Variants in PCDHAC1 observed in about 807,000 individuals in gnomAD.
The protein encoded by PCDHAC1 is protocadherin alpha-C1.
PCDHAC1 carries 42 observed loss-of-function variants against 60.0 expected under a neutral mutation model. The ratio of observed to expected loss-of-function variants is 0.70; its 90% CI spans 0.55 to 0.90. PCDHAC1 has a LOEUF of 0.90. Ranked by LOEUF, PCDHAC1 falls within the 40% of genes least tolerant of loss-of-function variation. PCDHAC1 has a pLI of 0.00. For missense variants in PCDHAC1, 1,160 were observed against 1,222.3 expected, an observed-to-expected ratio of 0.95 and a Z score of 0.76; for synonymous variants, 468 against 499.3, an observed-to-expected ratio of 0.94 and a Z score of 0.84.
Position 141,010,415 on chromosome 5 carries a change from C to T in PCDHAC1, c.*478C>T. ...ACGAGCCAGCTTAGACTAATTGGTA[C>T]AAGGAAGGCAAGAAAACAAAGACAA... On this transcript the variant is annotated 3_prime_UTR_variant, in exon 4 of 4. Transcript: ENST00000253807. 1 of 1,160,734 alleles carries T rather than the reference C, an allele frequency of 8.6e-7. No homozygotes were observed. 71.9% of individuals were successfully genotyped at this position (1,160,734 alleles called of 1,614,324 possible).
intron 1 of PCDHAC1, among the ~76,000 whole-genome samples, chr5:140,949,279 A>T (rs2094358116): frequency 6.6e-6 from 1 of 151,848 alleles, no homozygotes; most frequent in African/African-American, 2.4e-5. Flanking sequence ...CTTGAAAAGA[A>T]TGTATATTCT....
intron 1 of PCDHAC1, among the ~76,000 whole-genome samples, chr5:140,932,569 C>T (rs58622542): frequency 0.013 from 2,018 of 151,826 alleles, 38 homozygotes; most frequent in African/African-American, 0.046. Flanking sequence ...GTAGACTTTC[C>T]CATAGGGTAA....
At chr5:140,982,878 C>T (rs2097013352) in intron 3 of PCDHAC1, among the ~76,000 whole-genome samples, 1 of 151,992 alleles carries the variant, frequency 6.6e-6, no homozygotes, top group South Asian at 2.1e-4. Flanking sequence ...TCATCCAAGC[C>T]ATGCAGAGAA....
At chr5:140,950,237 ATTTG>A (rs782102459) in intron 1 of PCDHAC1, among the ~76,000 whole-genome samples, 1 of 151,954 alleles carries the variant, frequency 6.6e-6, no homozygotes, top group Non-Finnish European at 1.5e-5. Flanking sequence ...AGTGCCATTA[ATTTG>A]TTCCTAAAGA....
chr5:140,974,672 T>G lies in PCDHAC1; in HGVS notation c.2434-4277T>G, dbSNP rs186958750. On this transcript the variant is annotated intron_variant, in intron 1 of 3. Coordinates refer to ENST00000253807, the MANE Select transcript of PCDHAC1 (RefSeq NM_018898.5). ...GATTACAGGCATGCGCCACCATGCC[T>G]GGCTAATTTTGTATTTTTGGGTTTC... 4.6e-3 allele frequency among the ~76,000 whole-genome samples: 694 copies of G among 152,134 alleles called. 4 individuals are homozygous for G. Among genetic ancestry groups the G allele is most frequent in the African/African-American group, 0.016 (672 of 41,518 alleles).
intron 3 of PCDHAC1, among the ~76,000 whole-genome samples, chr5:141,003,515 G>C (rs1402480495): frequency 1.3e-5 from 2 of 152,114 alleles, no homozygotes; most frequent in Admixed American, 6.5e-5. Flanking sequence ...GTTTCACCAT[G>C]TTCCCTAGGC....
At chr5:140,962,719 T>G (rs928199903) in intron 1 of PCDHAC1, among the ~76,000 whole-genome samples, 1 of 152,224 alleles carries the variant, frequency 6.6e-6, no homozygotes, top group Non-Finnish European at 1.5e-5. Flanking sequence ...TTGGAAAGTA[T>G]TTTCCTTCTG....
At chr5:140,968,446 C>T in intron 1 of PCDHAC1, 1 of 1,614,046 alleles carries the variant, frequency 6.2e-7, no homozygotes, top group Non-Finnish European at 8.5e-7. Context: ...CACCACTGAG[C>T]AGCACTGTGA....
rs1012749061 is a variant in PCDHAC1 at position 141,011,525 on chromosome 5, C to T, written c.*1588C>T. Reference sequence around the variant, plus strand: ...AAAAGTGGAGTAGTGTTTTTTTAACCATTGTTAATCAGCTTTTGTGTATGA... The same window carrying T: ...AAAAGTGGAGTAGTGTTTTTTTAACTATTGTTAATCAGCTTTTGTGTATGA... On this transcript the variant is annotated 3_prime_UTR_variant, in exon 4 of 4. Coordinates refer to ENST00000253807, the MANE Select transcript of PCDHAC1 (RefSeq NM_018898.5). 11 of 153,568 alleles carry T rather than the reference C, an allele frequency of 7.2e-5. No individual in the cohort carries two copies. The Admixed American group carries it at 7.2e-4, about 10-fold the overall frequency. 9.5% of individuals were successfully genotyped at this position (153,568 alleles called of 1,614,324 possible).
At chr5:140,985,373 C>T (rs1228293287) in intron 3 of PCDHAC1, among the ~76,000 whole-genome samples, 1 of 152,106 alleles carries the variant, frequency 6.6e-6, no homozygotes, top group Non-Finnish European at 1.5e-5. Flanking sequence ...TTATCTGGGT[C>T]TATATAATCC....
chr5:140,972,660 A>ATTTT (rs11350929), intron 1 of PCDHAC1, among the ~76,000 whole-genome samples: 3 of 117,268 alleles, frequency 2.6e-5, no homozygotes, highest in Admixed American at 9.2e-5. Context: ...AAGAAACCAA[A>ATTTT]TTTTTTTTTT....
chr5:140,964,880 C>T (rs2095860447), intron 1 of PCDHAC1, among the ~76,000 whole-genome samples: 1 of 152,168 alleles, frequency 6.6e-6, no homozygotes, highest in Admixed American at 6.5e-5. Context: ...TAAGAAGCAG[C>T]AGTGATAGGA....
chr5:140,947,586 A>G (rs958279437), intron 1 of PCDHAC1, among the ~76,000 whole-genome samples: 1 of 151,670 alleles, frequency 6.6e-6, no homozygotes, highest in Non-Finnish European at 1.5e-5. Context: ...TAACATTTAG[A>G]TCAATTTAGG....
intron 3 of PCDHAC1, among the ~76,000 whole-genome samples, chr5:140,994,758 G>A (rs150618369): frequency 1.3e-5 from 2 of 152,248 alleles, no homozygotes; most frequent in East Asian, 3.9e-4. Flanking sequence ...GATGTGGAGA[G>A]GAAGAGAATT....
At chr5:140,989,839 AGT>A (rs1161936815) in intron 3 of PCDHAC1, among the ~76,000 whole-genome samples, 2 of 152,166 alleles carry the variant, frequency 1.3e-5, no homozygotes, top group Non-Finnish European at 2.9e-5. Context: ...CCTGTCAATG[AGT>A]GTGTGGACTG....
chr5:140,973,719 C>T (rs1184460895), intron 1 of PCDHAC1, among the ~76,000 whole-genome samples: 8 of 152,228 alleles, frequency 5.3e-5, no homozygotes, highest in African/African-American at 1.7e-4. Flanking sequence ...TGAGCCATCA[C>T]ATGGGCATCT....
chr5:140,977,077 C>A (rs1303374839), intron 1 of PCDHAC1, among the ~76,000 whole-genome samples: 1 of 152,138 alleles, frequency 6.6e-6, no homozygotes, highest in Non-Finnish European at 1.5e-5. Context: ...AGCAGCATGA[C>A]AAATTAAATG....
At position 140,929,069 on chromosome 5, in the gene PCDHAC1, G is replaced by A. The variant is rs1554206647; in HGVS notation, c.2177G>A (p.Arg726Lys). 2 of 1,614,192 alleles carry A rather than the reference G, an allele frequency of 1.2e-6. No individual in the cohort carries two copies. Among genetic ancestry groups the A allele is most frequent in the Non-Finnish European group, 8.5e-7 (1 of 1,180,040 alleles). Residue 726 changes from arginine to lysine, a missense_variant, in exon 1 of 4, where the codon AGG (arginine) becomes AAG (lysine). By Grantham distance (26) the Arg-to-Lys change is conservative (BLOSUM62 2). This residue lies in a region of PCDHAC1 where 1,113 missense variants were observed against 1,163.7 expected (regional missense o/e 0.96). Coordinates refer to ENST00000253807, the MANE Select transcript of PCDHAC1 (RefSeq NM_018898.5). ...TGCTGTCGCTCTACAGAGGATCTGA[G>A]GTATGGAAGTAAGATGGTTTCAAAT... is the stretch of plus-strand genomic sequence containing the variant. ...QSCCRSTEDL[R>K]YGSKMVSNPC...
At chr5:140,996,190 C>T (rs2097716017) in intron 3 of PCDHAC1, among the ~76,000 whole-genome samples, 1 of 152,200 alleles carries the variant, frequency 6.6e-6, no homozygotes, top group African/African-American at 2.4e-5. Flanking sequence ...CCATTTTATA[C>T]CCTCAATGCA....
Sources: gnomAD v4.1 joint callset for allele counts (sites outside exome capture counted in the v4.1 genomes callset) on GRCh38, gnomAD v4.1.1 for gene constraint, gnomAD v4.1.1 regional missense constraint, MANE v1.5 for transcripts, NCBI Gene and HGNC (gene_info 2026-07-23, HGNC 2026-07-21) for gene names.